Variants in TENM1 observed in about 807,000 individuals in gnomAD.
TENM1 encodes teneurin-1.
Under a neutral mutation model 174.8 loss-of-function variants are expected in TENM1, and 35 were observed. The observed-to-expected ratio is 0.20, with a 90% CI of 0.15 to 0.27. The LOEUF is 0.27. TENM1 is among the 10% of genes least tolerant of loss of function. The pLI is 1.00. For synonymous variants in TENM1, 781 were observed against 798.7 expected (o/e 0.98, Z 0.37); for missense variants, 1,633 against 2,130.1 (o/e 0.77, Z 4.59).
chrX:124,781,764 T>C (rs1024800902), intron 3 of TENM1, among the ~76,000 whole-genome samples: 7 of 111,222 alleles, frequency 6.3e-5, no homozygotes, highest in Non-Finnish European at 1.3e-4. Context: ...ACTTGCACTA[T>C]GAAAACAGCC....
the TENM1 span, among the ~76,000 whole-genome samples, chrX:125,074,437 T>C: frequency 9.1e-6 from 1 of 109,624 alleles, no homozygotes; most frequent in African/African-American, 3.3e-5. Context: ...TATCCTACCA[T>C]CTACAATCTT....
chrX:124,875,952 AT>A (rs2057191659), intron 3 of TENM1, among the ~76,000 whole-genome samples: 1 of 106,099 alleles, frequency 9.4e-6, no homozygotes, highest in African/African-American at 3.6e-5. Context: ...ACATGATCTT[AT>A]TCTAAGAAAT....
At chrX:124,705,062 G>A (rs141248722) in exon 5 of TENM1, 72 of 1,209,044 alleles carry the variant, frequency 6.0e-5, no homozygotes, top group Non-Finnish European at 7.9e-5. Context: ...TTGCAGTGGC[G>A]CTCAATGCTG....
At chrX:125,027,418 G>C in the TENM1 span, among the ~76,000 whole-genome samples, 1 of 111,283 alleles carries the variant, frequency 9.0e-6, no homozygotes, top group Non-Finnish European at 1.9e-5. Flanking sequence ...AGATTTGAAC[G>C]AAAGGAGAGA....
chrX:124,882,044 C>A (rs983743129), intron 3 of TENM1, among the ~76,000 whole-genome samples: 1 of 112,077 alleles, frequency 8.9e-6, no homozygotes, highest in African/African-American at 3.2e-5. Flanking sequence ...TTAGGTTTTG[C>A]TATATTGTGT....
the TENM1 span, among the ~76,000 whole-genome samples, chrX:125,176,714 T>A: frequency 8.9e-6 from 1 of 111,871 alleles, no homozygotes; most frequent in Admixed American, 9.5e-5. Flanking sequence ...ATAATCATTG[T>A]GTGTTTACCA....
intron 17 of TENM1, 126 bp from the exon 21 acceptor site, chrX:124,520,910 C>T (rs1286570291): frequency 5.0e-6 from 3 of 601,698 alleles, no homozygotes; most frequent in Non-Finnish European, 7.3e-6. Context: ...GGTCTAAGGA[C>T]GTCAAGGCAT....
intron 21 of TENM1, among the ~76,000 whole-genome samples, chrX:124,485,307 T>C (rs1259386237): frequency 9.0e-6 from 1 of 111,263 alleles, no homozygotes; most frequent in Non-Finnish European, 1.9e-5. Flanking sequence ...TAACAGGTGC[T>C]GTAAATAAAC....
intron 3 of TENM1, among the ~76,000 whole-genome samples, chrX:124,846,908 A>G (rs890086436): frequency 9.0e-6 from 1 of 111,639 alleles, no homozygotes; most frequent in African/African-American, 3.2e-5. Context: ...AGGAATTAAA[A>G]TTTTCATCAA....
chrX:124,458,686 A>T (rs1339964319), intron 22 of TENM1, among the ~76,000 whole-genome samples: 1 of 112,223 alleles, frequency 8.9e-6, no homozygotes, highest in Non-Finnish European at 1.9e-5. Context: ...CTTCATAGTC[A>T]TTATAAAGAA....
At chrX:124,407,696 T>C (rs1005186062) in intron 25 of TENM1, among the ~76,000 whole-genome samples, 3 of 112,874 alleles carry the variant, frequency 2.7e-5, no homozygotes, top group African/African-American at 9.7e-5. Flanking sequence ...CTTGAGCCTA[T>C]ACATAATGCC....
intron 3 of TENM1, among the ~76,000 whole-genome samples, chrX:124,880,357 T>C (rs1436160665): frequency 1.8e-5 from 2 of 112,397 alleles, no homozygotes; most frequent in Admixed American, 9.4e-5. Context: ...ACAATGCTAC[T>C]AATTTTTGCA....
intron 11 of TENM1, among the ~76,000 whole-genome samples, chrX:124,609,597 T>G (rs1809817466): frequency 8.9e-6 from 1 of 111,851 alleles, no homozygotes. Flanking sequence ...TCTAGTGGGC[T>G]TAAGTGTGAG....
chrX:124,633,875 GC>G (rs2050817838), intron 11 of TENM1, among the ~76,000 whole-genome samples: 2 of 111,246 alleles, frequency 1.8e-5, no homozygotes, highest in East Asian at 5.6e-4. Flanking sequence ...TCTTAAGGAT[GC>G]TTTTGAATTG....
chrX:124,704,539 C>T (rs1467204306), intron 5 of TENM1, among the ~76,000 whole-genome samples: 1 of 111,795 alleles, frequency 8.9e-6, no homozygotes, highest in Non-Finnish European at 1.9e-5. Flanking sequence ...AATAAGAATA[C>T]ATTTTTTGGT....
chrX:124,953,319 C>T (rs754148929), intron 1 of TENM1, among the ~76,000 whole-genome samples: 3 of 111,988 alleles, frequency 2.7e-5, no homozygotes, highest in South Asian at 3.7e-4. Flanking sequence ...TGAAACCCTC[C>T]GAGGTTCCCT....
intron 3 of TENM1, among the ~76,000 whole-genome samples, chrX:124,823,983 T>C (rs977875086): frequency 3.6e-5 from 4 of 111,807 alleles, no homozygotes; most frequent in Non-Finnish European, 7.5e-5. Context: ...GCCAGTTTTC[T>C]AAAGCATTTC....
At chrX:125,160,470 G>A in the TENM1 span, among the ~76,000 whole-genome samples, 10 of 103,196 alleles carry the variant, frequency 9.7e-5, no homozygotes, top group Non-Finnish European at 1.6e-4. Context: ...GCTTGAACCC[G>A]GTAGGCGGAG....
chrX:125,148,753 T>C, the TENM1 span, among the ~76,000 whole-genome samples: 1 of 111,985 alleles, frequency 8.9e-6, no homozygotes, highest in Non-Finnish European at 1.9e-5. Context: ...CATTCTTCTC[T>C]GTTGCTCCTT....
Sources: gnomAD v4.1 joint callset for allele counts (sites outside exome capture counted in the v4.1 genomes callset) on GRCh38, gnomAD v4.1.1 for gene constraint, MANE v1.5 for transcripts, NCBI Gene and HGNC (gene_info 2026-07-23, HGNC 2026-07-21) for gene names.